The following ARSB variants were observed in gnomAD, a reference collection of about 807,000 sequenced individuals.
ARSB encodes the protein arylsulfatase B, also known as N-acetylgalactosamine-4-sulfatase.
In ARSB, 41 loss-of-function variants were observed where a neutral mutation model predicts 50.9. That is an observed-to-expected ratio of 0.81 (90% CI 0.63 to 1.04). ARSB has a LOEUF of 1.04. Ranked by LOEUF, ARSB falls within the 50% of genes least tolerant of loss-of-function variation. The pLI, the probability that ARSB is intolerant of heterozygous loss-of-function variation, is 0.00. For synonymous variants in ARSB, 269 were observed against 284.8 expected, an observed-to-expected ratio of 0.94 and a Z score of 0.56; for missense variants, 672 against 693.3, an observed-to-expected ratio of 0.97 and a Z score of 0.35.
intron 6 of ARSB, among the ~76,000 whole-genome samples, chr5:78,816,753 G>A (rs1419845271): frequency 6.6e-6 from 1 of 152,242 alleles, no homozygotes; most frequent in African/African-American, 2.4e-5. Context: ...CCATGAAAGG[G>A]TCAATGGGAC....
At chr5:78,880,221 A>C (rs191354753) in intron 5 of ARSB, among the ~76,000 whole-genome samples, 11 of 152,306 alleles carry the variant, frequency 7.2e-5, no homozygotes, top group Non-Finnish European at 1.3e-4. Context: ...ACATGAGCCA[A>C]ATTCTTAAAG....
chr5:78,914,599 G>A (rs1013758253), intron 4 of ARSB, among the ~76,000 whole-genome samples: 2 of 152,142 alleles, frequency 1.3e-5, no homozygotes, highest in Non-Finnish European at 2.9e-5. Flanking sequence ...AATGGCCCAC[G>A]TATCAGAATG....
At chr5:78,889,443 A>T (rs1019744311) in intron 4 of ARSB, among the ~76,000 whole-genome samples, 4 of 152,222 alleles carry the variant, frequency 2.6e-5, no homozygotes, top group African/African-American at 9.7e-5. Flanking sequence ...TATGAAAAAA[A>T]TTCCAAATCA....
At chr5:78,933,916 C>T (rs545312835) in intron 4 of ARSB, among the ~76,000 whole-genome samples, 26 of 152,008 alleles carry the variant, frequency 1.7e-4, no homozygotes, top group East Asian at 9.7e-4. Context: ...ACTAGAGTGA[C>T]GAGAGAGAAG....
At chr5:78,809,930 A>C (rs1326963595) in intron 6 of ARSB, among the ~76,000 whole-genome samples, 7 of 152,086 alleles carry the variant, frequency 4.6e-5, no homozygotes, top group Admixed American at 4.6e-4. Flanking sequence ...GCAGTTGTAG[A>C]CTGCACAAGC....
chr5:78,853,495 C>T (rs528759165), intron 5 of ARSB, among the ~76,000 whole-genome samples: 9 of 152,306 alleles, frequency 5.9e-5, no homozygotes, highest in South Asian at 4.1e-4. Context: ...TTAGGTTGCT[C>T]GGGGTTCAGG....
At chr5:78,841,240 G>A (rs966588169) in intron 5 of ARSB, among the ~76,000 whole-genome samples, 3 of 151,908 alleles carry the variant, frequency 2.0e-5, no homozygotes, top group Non-Finnish European at 2.9e-5. Context: ...TGAGGCAAGA[G>A]GATCCCTTGA....
At chr5:78,847,849 T>C (rs1745517907) in intron 5 of ARSB, among the ~76,000 whole-genome samples, 1 of 152,114 alleles carries the variant, frequency 6.6e-6, no homozygotes. Context: ...TTTGTTGGCA[T>C]ATAGTTGTTC....
intron 6 of ARSB, among the ~76,000 whole-genome samples, chr5:78,813,122 T>C (rs764259895): frequency 6.6e-6 from 1 of 151,982 alleles, no homozygotes. Context: ...TGGAGTGCAG[T>C]GGTGCAATCT....
Position 78,885,739 on chromosome 5 carries a change from C to T in ARSB, c.987G>A (p.Val329=), listed in dbSNP as rs1365326461. The change falls in exon 5 of 8, where the codon GTG becomes GTA. Residue 329 remains valine (V), a synonymous_variant. Transcript: ENST00000264914. ...TCAGCAAGGGGCTTGCCACAAAGCC[C>T]ACCCCTCGGACGCCTCCTTCCCACA... ...WSLWEGGVRG[V]GFVASPLLKQ... 1 of 1,614,024 alleles carries T rather than the reference C, an allele frequency of 6.2e-7. No homozygotes were observed. Among genetic ancestry groups the T allele is most frequent in the African/African-American group, 1.3e-5 (1 of 74,894 alleles).
In ARSB at chr5:78,933,778, G is replaced by A. The variant is rs556878873; in HGVS notation, c.898+21517C>T. ...ACCTGTGAATATGTTACCTTACATG[G>A]CAACGGGGAGTTAAAGTTGCCATGG... On this transcript the variant is annotated intron_variant, in intron 4 of 7. Coordinates refer to ENST00000264914, the MANE Select transcript of ARSB (RefSeq NM_000046.5). Among the ~76,000 whole-genome samples, 10 of 152,304 alleles carry A rather than the reference G, an allele frequency of 6.6e-5. No individual in the cohort carries two copies. In the South Asian group the frequency reaches 2.1e-3, roughly 32 times the overall value.
intron 6 of ARSB, among the ~76,000 whole-genome samples, chr5:78,813,138 C>T (rs1743877754): frequency 6.6e-6 from 1 of 151,814 alleles, no homozygotes; most frequent in African/African-American, 2.4e-5. Flanking sequence ...AATCTCGGCT[C>T]ACTGCAACCT....
intron 5 of ARSB, among the ~76,000 whole-genome samples, chr5:78,845,768 T>C (rs1745419799): frequency 6.6e-6 from 1 of 152,164 alleles, no homozygotes; most frequent in African/African-American, 2.4e-5. Flanking sequence ...GTTCCTTATA[T>C]ATTCTGGATA....
At position 78,973,134 on chromosome 5, in the gene ARSB, G is replaced by A. The variant is rs80083486; in HGVS notation, c.313-3942C>T. ...TGCTGCAAGGGGCAGGAAGGCAACC[G>A]GGCACCAATAGGAATCAAAAGAAAA... On this transcript the variant is annotated intron_variant, in intron 1 of 7. Coordinates refer to ENST00000264914, the MANE Select transcript of ARSB (RefSeq NM_000046.5). 6.7e-3 allele frequency among the ~76,000 whole-genome samples: 1,016 copies of A among 152,204 alleles called. 9 individuals carry two copies. The highest frequency in any genetic ancestry group is 0.023 in the African/African-American group (959 of 41,496).
At chr5:78,804,800 G>A (rs1743507425) in intron 6 of ARSB, among the ~76,000 whole-genome samples, 1 of 152,160 alleles carries the variant, frequency 6.6e-6, no homozygotes, top group Non-Finnish European at 1.5e-5. Flanking sequence ...CATTATACCT[G>A]TGCACGCTGA....
intron 4 of ARSB, among the ~76,000 whole-genome samples, chr5:78,950,055 A>G (rs560486917): frequency 7.2e-5 from 11 of 152,296 alleles, no homozygotes; most frequent in Non-Finnish European, 1.3e-4. Flanking sequence ...AGTTGTCCCT[A>G]ACCTTAACTC....
chr5:78,973,624 A>C (rs982657146), intron 1 of ARSB, among the ~76,000 whole-genome samples: 1 of 152,126 alleles, frequency 6.6e-6, no homozygotes, highest in Admixed American at 6.5e-5. Flanking sequence ...CAGCTCCCAT[A>C]TCAGAATCTC....
chr5:78,867,533 G>T, intron 5 of ARSB, among the ~76,000 whole-genome samples: 1 of 152,216 alleles, frequency 6.6e-6, no homozygotes, highest in South Asian at 2.1e-4. Context: ...CAGCCTAACT[G>T]GGAGGCACCC....
rs539117755 is a variant in ARSB at position 78,812,169 on chromosome 5, C to T, written c.1213+27187G>A. Among the ~76,000 whole-genome samples the T allele has an allele frequency of 2.4e-4, 37 of 152,288 alleles. 1 individual carries two copies. The South Asian group carries it at 7.5e-3, about 31-fold the overall frequency. ...TTGGAAATGGGAAAGTACACAAAGG[C>T]TACCCCACTTGAGATGCAGGTCAGT... On this transcript the variant is annotated intron_variant, in intron 6 of 7. Transcript: ENST00000264914.
Sources: allele counts gnomAD v4.1 joint callset (sites outside exome capture counted in the v4.1 genomes callset), GRCh38; gene constraint gnomAD v4.1.1; transcripts MANE v1.5; gene names NCBI Gene and HGNC (gene_info 2026-07-23, HGNC 2026-07-21).